Variants in AGBL4 observed in about 807,000 individuals in gnomAD.
AGBL4 encodes the protein cytosolic carboxypeptidase 6.
A neutral mutation model predicts 66.4 loss-of-function variants in AGBL4; 58 were observed. That is an observed-to-expected ratio of 0.87 (90% CI 0.71 to 1.09). The LOEUF is 1.09. Ranked by LOEUF, AGBL4 falls within the 50% of genes least tolerant of loss-of-function variation. The probability of loss-of-function intolerance (pLI) is 0.00; values close to 1 mark genes in which losing one functional copy is unlikely to be tolerated. For synonymous variants in AGBL4, 234 were observed against 222.9 expected (o/e 1.05, Z -0.44); for missense variants, 579 against 631.0 (o/e 0.92, Z 0.88).
intron 6 of AGBL4, among the ~76,000 whole-genome samples, chr1:48,684,386 A>G (rs1433769827): frequency 6.6e-6 from 1 of 152,246 alleles, no homozygotes; most frequent in Non-Finnish European, 1.5e-5. Context: ...CTCTGTCTTC[A>G]GCCCCCGCCA....
At chr1:49,348,434 A>T (rs1052108813) in intron 3 of AGBL4, among the ~76,000 whole-genome samples, 8 of 152,168 alleles carry the variant, frequency 5.3e-5, no homozygotes, top group Non-Finnish European at 8.8e-5. Flanking sequence ...AAAAAAAATA[A>T]AAATAAAAAA....
At chr1:49,994,102 G>T (rs1660171912) in intron 1 of AGBL4, among the ~76,000 whole-genome samples, 1 of 152,058 alleles carries the variant, frequency 6.6e-6, no homozygotes, top group Non-Finnish European at 1.5e-5. Context: ...TGTGAATCAT[G>T]CATAATTACT....
At chr1:48,528,615 C>T (rs747431589), downstream of AGBL4, among the ~76,000 whole-genome samples, 3 of 151,870 alleles carry the variant, frequency 2.0e-5, no homozygotes, top group Admixed American at 6.6e-5. Context: ...CTGTGGACCA[C>T]GGGCATGAGA....
intron 1 of AGBL4, among the ~76,000 whole-genome samples, chr1:50,007,625 G>A (rs889428815): frequency 6.6e-6 from 1 of 152,156 alleles, no homozygotes; most frequent in East Asian, 1.9e-4. Flanking sequence ...TGAAAAGCTG[G>A]GTGTGGAAGC....
chr1:48,586,830 A>C (rs1056857055), intron 11 of AGBL4, 174 bp downstream of exon 11: 17 of 800,476 alleles, frequency 2.1e-5, no homozygotes, highest in Non-Finnish European at 2.6e-5. Context: ...TATCATACTA[A>C]GGGCTGAGGC....
chr1:49,467,943 T>G (rs1208895318), intron 3 of AGBL4, among the ~76,000 whole-genome samples: 1 of 151,866 alleles, frequency 6.6e-6, no homozygotes, highest in Non-Finnish European at 1.5e-5. Flanking sequence ...TGTATTTTCT[T>G]AGGCCCTGAT....
chr1:49,446,264 A>G (rs550596908), intron 3 of AGBL4, among the ~76,000 whole-genome samples: 37 of 152,168 alleles, frequency 2.4e-4, no homozygotes, highest in Non-Finnish European at 4.4e-4. Context: ...CATGTTTCCT[A>G]TGTCTTTACA....
chr1:49,562,614 T>G (rs760237148), intron 3 of AGBL4, among the ~76,000 whole-genome samples: 8 of 152,156 alleles, frequency 5.3e-5, no homozygotes, highest in South Asian at 4.2e-4. Context: ...AGATCAGATA[T>G]TTGTAGATAT....
rs569790368 is a variant in AGBL4 at position 48,841,670 on chromosome 1, C to T, written c.634+25521G>A. Among the ~76,000 whole-genome samples, 4 of 152,124 alleles carry T rather than the reference C, an allele frequency of 2.6e-5. No individual in the cohort carries two copies. The South Asian group carries it at 8.3e-4, about 32-fold the overall frequency. On this transcript the variant is annotated intron_variant, in intron 6 of 13. Transcript: ENST00000371839. ...TACCCAAGGAGAAGGCAAAAAGGGGCCTCCATAAACCATGAGATTTGAACT... is the reference window on the plus strand; with the variant it reads ...TACCCAAGGAGAAGGCAAAAAGGGGTCTCCATAAACCATGAGATTTGAACT...
intron 6 of AGBL4, among the ~76,000 whole-genome samples, chr1:48,750,699 G>A (rs11586980): frequency 0.18 from 27,917 of 152,188 alleles, 3,046 homozygotes; most frequent in Middle Eastern, 0.32. Flanking sequence ...ATTTCCCTAC[G>A]GTCAGAGCTA....
chr1:48,837,743 C>T (rs910876011), intron 6 of AGBL4, among the ~76,000 whole-genome samples: 8 of 56,154 alleles, frequency 1.4e-4, no homozygotes, highest in Non-Finnish European at 2.0e-4. Flanking sequence ...ATATATATAT[C>T]CTGTTAGTTC....
rs559476142 is a variant in AGBL4 at position 49,307,232 on chromosome 1, C to T, written c.283-61368G>A. ...CACATAGAAACCACTGTCTCCACCACTGACCACTCCTATTCAATACCCTGG... is the reference window on the plus strand; with the variant it reads ...CACATAGAAACCACTGTCTCCACCATTGACCACTCCTATTCAATACCCTGG... On this transcript the variant is annotated intron_variant, in intron 3 of 13. Transcript: ENST00000371839. 6.7e-4 allele frequency among the ~76,000 whole-genome samples: 102 copies of T among 152,326 alleles called. 2 individuals carry two copies. The South Asian group carries it at 0.012, about 17-fold the overall frequency.
At chr1:49,139,422 G>T (rs1163039315) in intron 4 of AGBL4, among the ~76,000 whole-genome samples, 3 of 151,982 alleles carry the variant, frequency 2.0e-5, no homozygotes, top group Non-Finnish European at 4.4e-5. Flanking sequence ...CTATTTATGA[G>T]AGCTTGCTAT....
chr1:48,687,670 T>C (rs1421596376), intron 6 of AGBL4, among the ~76,000 whole-genome samples: 2 of 152,180 alleles, frequency 1.3e-5, no homozygotes, highest in East Asian at 1.9e-4. Context: ...CTTCCTGACC[T>C]CTCTGAGCCT....
chr1:49,329,690 A>G (rs1645294736), intron 3 of AGBL4, among the ~76,000 whole-genome samples: 1 of 146,596 alleles, frequency 6.8e-6, no homozygotes. Context: ...AGCACATGTG[A>G]ACACATGTGA....
chr1:49,746,485 C>A (rs1650996798), intron 2 of AGBL4, among the ~76,000 whole-genome samples: 2 of 152,082 alleles, frequency 1.3e-5, no homozygotes, highest in South Asian at 4.1e-4. Context: ...ACATAGTATC[C>A]TGATCCTTGG....
chr1:49,045,795 C>T lies in AGBL4; in HGVS notation c.383G>A (p.Arg128Lys), dbSNP rs1460511451. 5 of 1,550,788 alleles carry T rather than the reference C, an allele frequency of 3.2e-6. No individual in the cohort carries two copies. Among genetic ancestry groups the T allele is most frequent in the South Asian group, 1.2e-5 (1 of 83,980 alleles). ...GTAGTAAACATTTTTGGGTGGCAGC[C>T]TTTGCCTAAAATATATAAACAAAGA... ...VKSTSRPKWQ[R>K]LPPKNVYYYR... is the part of the protein sequence containing the mutation. Residue 128 changes from arginine to lysine, a missense_variant, in exon 5 of 14, where the codon AGG becomes AAG. By Grantham distance (26) the Arg-to-Lys change is conservative (BLOSUM62 2). Coordinates refer to ENST00000371839, the MANE Select transcript of AGBL4 (RefSeq NM_032785.4).
intron 6 of AGBL4, among the ~76,000 whole-genome samples, chr1:48,698,406 C>T (rs963784209): frequency 6.6e-6 from 1 of 152,138 alleles, no homozygotes; most frequent in Non-Finnish European, 1.5e-5. Flanking sequence ...ACCTCCTTAC[C>T]CAACACCAAC....
intron 5 of AGBL4, among the ~76,000 whole-genome samples, chr1:48,940,162 G>A (rs887129133): frequency 2.6e-5 from 4 of 152,224 alleles, no homozygotes; most frequent in African/African-American, 4.8e-5. Flanking sequence ...GGCAGATCAC[G>A]AGGTCAGGAG....
Sources: gnomAD v4.1 joint callset for allele counts (sites outside exome capture counted in the v4.1 genomes callset) on GRCh38, gnomAD v4.1.1 for gene constraint, MANE v1.5 for transcripts, NCBI Gene and HGNC (gene_info 2026-07-23, HGNC 2026-07-21) for gene names.